SFSWAP: variants seen among roughly 807,000 people sequenced by gnomAD.
SFSWAP encodes the protein splicing factor SWAP.
A neutral mutation model predicts 100.7 loss-of-function variants in SFSWAP; 17 were observed. That is an observed-to-expected ratio of 0.17 (90% confidence interval 0.12 to 0.25). The LOEUF (loss-of-function observed/expected upper bound fraction) is 0.25, where lower values mean the gene tolerates loss of function less well. SFSWAP is among the 10% of genes least tolerant of loss of function. The pLI is 1.00. For synonymous variants in SFSWAP, 504 were observed against 510.1 expected (o/e 0.99, Z 0.16); for missense variants, 1,005 against 1,262.6 (o/e 0.80, Z 3.09).
intron 13 of SFSWAP, among the ~76,000 whole-genome samples, chr12:131,770,971 G>C (rs1366718598): frequency 6.6e-6 from 1 of 152,190 alleles, no homozygotes; most frequent in African/African-American, 2.4e-5. Context: ...ACTTCACCTA[G>C]CGTGGTATCC....
intron 7 of SFSWAP, among the ~76,000 whole-genome samples, chr12:131,740,977 T>TC (rs1337443699): frequency 7.4e-6 from 1 of 135,848 alleles, no homozygotes; most frequent in East Asian, 2.2e-4. Flanking sequence ...TTTTTTTTTT[T>TC]TTTTTTTTTT....
intron 13 of SFSWAP, among the ~76,000 whole-genome samples, chr12:131,774,525 A>C (rs943207095): frequency 3.3e-5 from 5 of 152,182 alleles, no homozygotes; most frequent in Non-Finnish European, 7.4e-5. Flanking sequence ...ACTCTACCTA[A>C]ACCAATGTAC....
chr12:131,714,093 C>T lies in SFSWAP; in HGVS notation c.241C>T (p.His81Tyr), dbSNP rs1877660525. Residue 81 changes from histidine to tyrosine, a missense_variant, in exon 2 of 18, where the codon CAT (histidine) becomes TAT (tyrosine). By Grantham distance (83) the His-to-Tyr change is moderately conservative. Coordinates refer to ENST00000261674, the MANE Select transcript of SFSWAP (RefSeq NM_004592.4). This position sits in a 1 kb window ranked among gnomAD's most constrained non-coding sequence, Gnocchi z 6.0. The part of the protein sequence containing the change: ...IDRYDGRGHL[H>Y]DLSEYDAEYS... ...CAGATATGATGGACGTGGTCACCTG[C>T]ATGACCTTTCTGAGTACGATGCTGA... The T allele has an allele frequency of 6.2e-7, 1 of 1,613,500 alleles. No homozygotes were observed. Among genetic ancestry groups the T allele is most frequent in the African/African-American group, 1.3e-5 (1 of 74,894 alleles).
At chr12:131,746,967 G>C (rs1043628232) in intron 7 of SFSWAP, among the ~76,000 whole-genome samples, 2 of 152,138 alleles carry the variant, frequency 1.3e-5, no homozygotes, top group Admixed American at 1.3e-4. Flanking sequence ...AGCCGGGTGT[G>C]GTGGCGGGTG....
chr12:131,739,454 T>C (rs982153969), intron 7 of SFSWAP, among the ~76,000 whole-genome samples: 1 of 152,028 alleles, frequency 6.6e-6, no homozygotes, highest in African/African-American at 2.4e-5. Flanking sequence ...TTTATGACTT[T>C]GGTTCCTTTA....
chr12:131,763,392 T>G (rs1882839945), intron 11 of SFSWAP, among the ~76,000 whole-genome samples: 1 of 152,186 alleles, frequency 6.6e-6, no homozygotes, highest in Non-Finnish European at 1.5e-5. Context: ...AACTGATGGT[T>G]TTTTAAAATA....
At chr12:131,717,710 A>G (rs1878059418) in intron 3 of SFSWAP, among the ~76,000 whole-genome samples, 1 of 152,142 alleles carries the variant, frequency 6.6e-6, no homozygotes, top group African/African-American at 2.4e-5. Flanking sequence ...AAAATATAGT[A>G]AAAGTTGTAT....
chr12:131,775,963 A>C (rs1034251612), intron 13 of SFSWAP, among the ~76,000 whole-genome samples: 1 of 151,818 alleles, frequency 6.6e-6, no homozygotes. Flanking sequence ...TTAGCTGAGC[A>C]TGATGGCACA....
intron 15 of SFSWAP, among the ~76,000 whole-genome samples, chr12:131,795,851 C>T (rs1885598921): frequency 6.6e-6 from 1 of 150,982 alleles, no homozygotes; most frequent in South Asian, 2.1e-4. Flanking sequence ...TTTGGGTCCA[C>T]CTGGATAACG....
chr12:131,799,543 A>G lies in SFSWAP; in HGVS notation c.*55A>G. On this transcript the variant is annotated 3_prime_UTR_variant, in exon 18 of 18. Transcript: ENST00000261674. ...GCTGCGTGGGCTTCTGGGCAGGCTC[A>G]CGCAGACGCCGGCCACACCATCCAC... 6.6e-7 allele frequency: 1 copy of G among 1,507,364 alleles called. No individual in the cohort carries two copies. The highest frequency in any genetic ancestry group is 9.2e-7 in the Non-Finnish European group (1 of 1,092,886). 93.4% of individuals were successfully genotyped at this position (1,507,364 alleles called of 1,614,324 possible). A position where few individuals can be genotyped will look rare whatever the true frequency, so the allele number is the denominator to read the frequency against.
intron 7 of SFSWAP, among the ~76,000 whole-genome samples, chr12:131,750,318 C>T (rs551935324): frequency 1.3e-5 from 2 of 152,348 alleles, no homozygotes; most frequent in East Asian, 3.9e-4. Context: ...CATTCTCTGT[C>T]GGCAGACAGA....
At position 131,734,934 on chromosome 12, in the gene SFSWAP, G is replaced by A. The variant is rs1321581568; in HGVS notation, c.1081+6506G>A. Among the ~76,000 whole-genome samples the A allele has an allele frequency of 3.3e-5, 5 of 152,278 alleles. No homozygotes were observed. The East Asian group carries it at 5.8e-4, about 18-fold the overall frequency. On this transcript the variant is annotated intron_variant, in intron 7 of 17. Coordinates refer to ENST00000261674, the MANE Select transcript of SFSWAP (RefSeq NM_004592.4). This position sits in a 1 kb window ranked among gnomAD's most constrained non-coding sequence, Gnocchi z 4.9. ...GGGGTGGGGCAGTGAGGGGGGGCCC[G>A]CTCCGAGAGACAGACAGGTCAGGCC...
intron 16 of SFSWAP, among the ~76,000 whole-genome samples, chr12:131,798,208 G>A (rs1372963408): frequency 6.6e-6 from 1 of 152,150 alleles, no homozygotes; most frequent in Non-Finnish European, 1.5e-5. Flanking sequence ...GGAGGCTAAG[G>A]TGAGAGGATT....
Position 131,733,773 on chromosome 12 carries a change from G to A in SFSWAP, c.1081+5345G>A, listed in dbSNP as rs11246783. ...TGGGGGACAGGCAGGGGTGGGCCCC[G>A]AGGTGTGCAGAGTGTGTGTTCAGGC... On this transcript the variant is annotated intron_variant, in intron 7 of 17. Transcript: ENST00000261674. The surrounding 1 kb of genome is among the most constrained non-coding windows in gnomAD (Gnocchi z 5.1). 0.055 allele frequency among the ~76,000 whole-genome samples: 8,357 copies of A among 152,084 alleles called. 493 individuals carry two copies. The highest frequency in any genetic ancestry group is 0.27 in the East Asian group (1,401 of 5,116).
At chr12:131,779,119 ACT>A (rs1210882771) in intron 14 of SFSWAP, among the ~76,000 whole-genome samples, 4 of 148,580 alleles carry the variant, frequency 2.7e-5, no homozygotes, top group East Asian at 2.1e-4. Flanking sequence ...CCGGTGCCAC[ACT>A]CTGCACACAC....
intron 6 of SFSWAP, among the ~76,000 whole-genome samples, chr12:131,727,978 A>G (rs11612305): frequency 0.18 from 26,767 of 152,266 alleles, 3,098 homozygotes; most frequent in Non-Finnish European, 0.25. Flanking sequence ...AGAAACTCCT[A>G]TAAGGAAAGA....
chr12:131,745,583 A>G (rs913556123), intron 7 of SFSWAP, among the ~76,000 whole-genome samples: 3 of 152,210 alleles, frequency 2.0e-5, no homozygotes, highest in South Asian at 2.1e-4. Flanking sequence ...ATTTACATGC[A>G]TAGAATGTGG....
intron 3 of SFSWAP, among the ~76,000 whole-genome samples, chr12:131,715,339 C>T (rs1877794970): frequency 6.6e-6 from 1 of 152,154 alleles, no homozygotes; most frequent in Non-Finnish European, 1.5e-5. Flanking sequence ...TTCCCCATAT[C>T]CCTCCACAAC....
At chr12:131,786,715 A>G (rs910959200) in intron 15 of SFSWAP, 127 bp downstream of exon 15, 1 of 944,858 alleles carries the variant, frequency 1.1e-6, no homozygotes, top group Non-Finnish European at 1.5e-6. Flanking sequence ...TGAGTCCCCC[A>G]CCACCCCCCC....
Sources: gnomAD v4.1 joint callset for allele counts (sites outside exome capture counted in the v4.1 genomes callset) on GRCh38, gnomAD v4.1.1 for gene constraint, Gnocchi (gnomAD v3.1) non-coding constraint, MANE v1.5 for transcripts, NCBI Gene and HGNC (gene_info 2026-07-23, HGNC 2026-07-21) for gene names.